Variants in CCBE1 observed in about 807,000 individuals in gnomAD.
CCBE1 encodes the protein collagen and calcium binding EGF domains 1.
A neutral mutation model predicts 50.0 loss-of-function variants in CCBE1; 37 were observed. That is an observed-to-expected ratio of 0.74 (90% CI 0.57 to 0.97). The LOEUF is 0.97. CCBE1 is among the 50% of genes least tolerant of loss of function. CCBE1 has a pLI of 0.00. For synonymous variants in CCBE1, 234 were observed against 203.7 expected (o/e 1.15, Z -1.27); for missense variants, 538 against 523.8 (o/e 1.03, Z -0.26).
rs190874230 is a variant in CCBE1 at position 59,553,965 on chromosome 18, T to A, written c.213-73727A>T. On this transcript the variant is annotated intron_variant, in intron 2 of 10. Transcript: ENST00000439986. Reference sequence around the variant, plus strand: ...GGACATAACATCTGGAAGACAGGTCTGGTTAATGATCAATGTTCGAATTAA... The same window carrying A: ...GGACATAACATCTGGAAGACAGGTCAGGTTAATGATCAATGTTCGAATTAA... 2.4e-3 allele frequency among the ~76,000 whole-genome samples: 372 copies of A among 152,346 alleles called. 3 individuals carry two copies. The highest frequency in any genetic ancestry group is 8.6e-3 in the African/African-American group (356 of 41,592).
In CCBE1 at chr18:59,489,994, T is replaced by TG. The variant is rs1421291664; in HGVS notation, c.213-9757_213-9756insC. ...CTTATATACGCATAAGGAGTTTTTT[T>TG]TTTTTTTTTTGAGATGGAGTTTCCT... On this transcript the variant is annotated intron_variant, in intron 2 of 10. Coordinates refer to ENST00000439986, the MANE Select transcript of CCBE1 (RefSeq NM_133459.4). Among the ~76,000 whole-genome samples, 3 of 149,814 alleles carry TG rather than the reference T, an allele frequency of 2.0e-5. No homozygotes were observed. The East Asian group carries it at 5.9e-4, about 29-fold the overall frequency.
At position 59,530,817 on chromosome 18, in the gene CCBE1, GT is replaced by G. The variant is rs532560724; in HGVS notation, c.213-50580del. 9.4e-4 allele frequency among the ~76,000 whole-genome samples: 143 copies of G among 152,304 alleles called. 2 individuals are homozygous for G. The highest frequency in any genetic ancestry group is 2.5e-3 in the Admixed American group (38 of 15,308). On this transcript the variant is annotated intron_variant, in intron 2 of 10. Coordinates refer to ENST00000439986, the MANE Select transcript of CCBE1 (RefSeq NM_133459.4). ...ACCACATCCCCATTGTTCTCAGATA[GT>G]TTTCTTAAATATCTTATTAATCAAT...
At chr18:59,681,227 C>A (rs1409380084) in intron 2 of CCBE1, among the ~76,000 whole-genome samples, 1 of 152,140 alleles carries the variant, frequency 6.6e-6, no homozygotes, top group Non-Finnish European at 1.5e-5. Flanking sequence ...AGCAAATTTG[C>A]ACATGAAGTC....
rs1363463860 is a variant in CCBE1, at chr18:59,697,335, G to T, written c.8C>A (p.Pro3Gln). The change falls in exon 1 of 11, where the codon CCG (proline) becomes CAG (glutamine). Residue 3 changes from proline to glutamine, a missense_variant. Transcript: ENST00000439986. MV[P>Q]PPPSRGGAAR... ...AGCTCCTCCCCGGCTCGGAGGCGGC[G>T]GCACCATCAGGGAAGCTCCCGGCTT... 6.5e-7 allele frequency: 1 copy of T among 1,547,408 alleles called. No individual in the cohort carries two copies. The highest frequency in any genetic ancestry group is 8.7e-7 in the Non-Finnish European group (1 of 1,146,824).
At chr18:59,613,005 T>C (rs192662245) in intron 2 of CCBE1, among the ~76,000 whole-genome samples, 1 of 151,940 alleles carries the variant, frequency 6.6e-6, no homozygotes, top group African/African-American at 2.4e-5. Flanking sequence ...AATTGCAAGG[T>C]ATGGACTTTA....
intron 2 of CCBE1, among the ~76,000 whole-genome samples, chr18:59,635,230 G>A (rs1465674775): frequency 1.3e-5 from 2 of 152,194 alleles, no homozygotes; most frequent in African/African-American, 4.8e-5. Flanking sequence ...TTGATGGGAA[G>A]CCCCTAGCAA....
intron 2 of CCBE1, among the ~76,000 whole-genome samples, chr18:59,536,249 G>A (rs919561965): frequency 6.6e-6 from 1 of 152,174 alleles, no homozygotes; most frequent in Non-Finnish European, 1.5e-5. Flanking sequence ...GCAAGAGTCT[G>A]ACGGTGTGCC....
intron 2 of CCBE1, among the ~76,000 whole-genome samples, chr18:59,546,005 A>G (rs1468959124): frequency 2.0e-5 from 3 of 152,220 alleles, no homozygotes; most frequent in East Asian, 1.9e-4. Context: ...GGGAGCTTAT[A>G]GGAATACCTG....
chr18:59,576,817 AC>A (rs1419996689), intron 2 of CCBE1, among the ~76,000 whole-genome samples: 5 of 152,164 alleles, frequency 3.3e-5, no homozygotes, highest in African/African-American at 1.2e-4. Flanking sequence ...TCTCGCTCAG[AC>A]TGTGCCTTTC....
intron 6 of CCBE1, among the ~76,000 whole-genome samples, chr18:59,450,025 G>T (rs369825569): frequency 2.6e-5 from 4 of 152,166 alleles, no homozygotes; most frequent in African/African-American, 9.7e-5. Context: ...AGAATCTCTG[G>T]CCCCACTTTC....
chr18:59,473,049 G>C (rs149968209), intron 3 of CCBE1, among the ~76,000 whole-genome samples: 1 of 152,122 alleles, frequency 6.6e-6, no homozygotes, highest in African/African-American at 2.4e-5. Flanking sequence ...ATTACAGTTC[G>C]ATGTGAGATT....
At chr18:59,615,419 C>A (rs1254068267) in intron 2 of CCBE1, among the ~76,000 whole-genome samples, 1 of 152,114 alleles carries the variant, frequency 6.6e-6, no homozygotes, top group Non-Finnish European at 1.5e-5. Flanking sequence ...TTTCTGTCTA[C>A]TCAGATGCCA....
Position 59,434,352 on chromosome 18 carries a change from A to G in CCBE1, c.*1556T>C, listed in dbSNP as rs1910060570. The G allele has an allele frequency of 6.6e-6, 1 of 152,234 alleles. No individual in the cohort carries two copies. The highest frequency in any genetic ancestry group is 2.1e-4 in the South Asian group (1 of 4,832). The allele number at this position is 152,234 out of a possible 1,614,324, so 9.4% of individuals were successfully genotyped here. On this transcript the variant is annotated 3_prime_UTR_variant, in exon 11 of 11. Coordinates refer to ENST00000439986, the MANE Select transcript of CCBE1 (RefSeq NM_133459.4). ...GAGAACGATCATTTGCAGGAGAGTGAAAATCTCCCGCAAAGGTAGATAAAG... is the reference window on the plus strand; with the variant it reads ...GAGAACGATCATTTGCAGGAGAGTGGAAATCTCCCGCAAAGGTAGATAAAG...
At chr18:59,566,565 C>G (rs981377868) in intron 2 of CCBE1, among the ~76,000 whole-genome samples, 3 of 152,158 alleles carry the variant, frequency 2.0e-5, no homozygotes, top group Non-Finnish European at 4.4e-5. Flanking sequence ...GGAAAAGGCA[C>G]TGATAAAGTA....
chr18:59,513,798 G>A (rs1029272196), intron 2 of CCBE1, among the ~76,000 whole-genome samples: 14 of 152,238 alleles, frequency 9.2e-5, no homozygotes, highest in African/African-American at 3.4e-4. Context: ...GGAAATGGGG[G>A]CTCAGTGCTG....
chr18:59,478,513 C>A (rs1373436169), intron 3 of CCBE1, among the ~76,000 whole-genome samples: 1 of 152,174 alleles, frequency 6.6e-6, no homozygotes, highest in African/African-American at 2.4e-5. Flanking sequence ...TCTGGCAAAA[C>A]AACTTTCAGC....
intron 3 of CCBE1, among the ~76,000 whole-genome samples, chr18:59,477,565 T>TGTGTGC (rs398059300): frequency 6.8e-6 from 1 of 146,082 alleles, no homozygotes; most frequent in African/African-American, 2.5e-5. Context: ...TGTGTGTGTG[T>TGTGTGC]GCACCTGCAT....
At chr18:59,500,523 G>A (rs543836987) in intron 2 of CCBE1, among the ~76,000 whole-genome samples, 3 of 152,198 alleles carry the variant, frequency 2.0e-5, no homozygotes, top group Admixed American at 6.5e-5. Flanking sequence ...TGAAGCCAGG[G>A]GTAACAGCTG....
chr18:59,675,340 A>G (rs573845324), intron 2 of CCBE1, among the ~76,000 whole-genome samples: 2 of 152,304 alleles, frequency 1.3e-5, no homozygotes, highest in South Asian at 2.1e-4. Flanking sequence ...CATCTATAAT[A>G]TTGGTATGAT....
Sources: gnomAD v4.1 joint callset for allele counts (sites outside exome capture counted in the v4.1 genomes callset) on GRCh38, gnomAD v4.1.1 for gene constraint, MANE v1.5 for transcripts, NCBI Gene and HGNC (gene_info 2026-07-23, HGNC 2026-07-21) for gene names.